TRIM51G: variants seen among roughly 807,000 people sequenced by gnomAD.
The protein encoded by TRIM51G is tripartite motif-containing protein 51G.
At chr11:48,979,689 A>T in the TRIM51G span, among the ~76,000 whole-genome samples, 1 of 151,940 alleles carries the variant, frequency 6.6e-6, no homozygotes, top group Non-Finnish European at 1.5e-5. Flanking sequence ...TCATGTATAT[A>T]TACATATTTC....
At chr11:48,981,277 T>C in the TRIM51G span, 122 of 1,604,120 alleles carry the variant, frequency 7.6e-5, no homozygotes, top group South Asian at 2.8e-4. Flanking sequence ...TTCAGAGGCA[T>C]CACTTACCCG....
chr11:48,977,652 A>G, the TRIM51G span, among the ~76,000 whole-genome samples: 1 of 152,124 alleles, frequency 6.6e-6, no homozygotes, highest in Non-Finnish European at 1.5e-5. Flanking sequence ...CATTCCAAAT[A>G]GTTTGTTTCA....
At chr11:48,975,713 A>C in the TRIM51G span, 1 of 1,548,414 alleles carries the variant, frequency 6.5e-7, no homozygotes, top group Admixed American at 1.7e-5. Flanking sequence ...TCCTTAACAC[A>C]TCCAAGAAGA....
chr11:48,976,134 A>G, the TRIM51G span: 2 of 353,594 alleles, frequency 5.7e-6, no homozygotes, highest in African/African-American at 4.3e-5. Context: ...TTTGATTACA[A>G]CATTTAAGAA....
At chr11:48,982,947 GTATATATACATATATATATATA>G in the TRIM51G span, among the ~76,000 whole-genome samples, 34 of 86,126 alleles carry the variant, frequency 3.9e-4, no homozygotes, top group Admixed American at 9.2e-4. Context: ...AGTATTTTTG[GTATATATACATATATATATATA>G]TATATATATA....
At chr11:48,975,756 C>T in the TRIM51G span, 1 of 1,566,062 alleles carries the variant, frequency 6.4e-7, no homozygotes, top group South Asian at 1.1e-5. Context: ...TCATGTCATT[C>T]TGTCTCTTCT....
the TRIM51G span, among the ~76,000 whole-genome samples, chr11:48,982,659 T>C: frequency 1.3e-5 from 2 of 151,908 alleles, no homozygotes; most frequent in Non-Finnish European, 2.9e-5. Flanking sequence ...GACACTAGCT[T>C]AATGACAGCC....
the TRIM51G span, among the ~76,000 whole-genome samples, chr11:48,983,464 T>C: frequency 6.6e-6 from 1 of 152,102 alleles, no homozygotes; most frequent in South Asian, 2.1e-4. Context: ...GCAGTACACA[T>C]ATATAGGTTT....
At chr11:48,980,976 G>T in the TRIM51G span, 1 of 534,780 alleles carries the variant, frequency 1.9e-6, no homozygotes, top group South Asian at 1.5e-5. Flanking sequence ...TCTCCATAAA[G>T]ACTGCATTTT....
the TRIM51G span, chr11:48,978,784 G>T: frequency 1.5e-6 from 1 of 667,384 alleles, no homozygotes; most frequent in Non-Finnish European, 2.8e-6. Context: ...AATCATGGAA[G>T]TAAAGGGGGA....
At chr11:48,982,956 CATATATAT>C in the TRIM51G span, among the ~76,000 whole-genome samples, 17 of 33,050 alleles carry the variant, frequency 5.1e-4, no homozygotes, top group African/African-American at 1.7e-3. Flanking sequence ...GGTATATATA[CATATATAT>C]ATATATATAT....
At chr11:48,981,320 G>T in the TRIM51G span, 68 of 1,606,436 alleles carry the variant, frequency 4.2e-5, no homozygotes, top group African/African-American at 7.5e-4. Context: ...GTGGGACAGT[G>T]TCTGTGATTC....
the TRIM51G span, chr11:48,979,037 A>C: frequency 9.9e-7 from 1 of 1,014,628 alleles, no homozygotes; most frequent in Non-Finnish European, 1.6e-6. Context: ...GCTCTTCTTC[A>C]TGGAAAAATG....
At chr11:48,977,372 A>G in the TRIM51G span, among the ~76,000 whole-genome samples, 1 of 152,194 alleles carries the variant, frequency 6.6e-6, no homozygotes, top group Non-Finnish European at 1.5e-5. Flanking sequence ...GGAAAAGTCT[A>G]TCTGACTGAG....
chr11:48,975,839 T>G, the TRIM51G span: 3 of 1,270,398 alleles, frequency 2.4e-6, no homozygotes, highest in Non-Finnish European at 3.4e-6. Flanking sequence ...CAATAAAATT[T>G]GCCAGATATG....
the TRIM51G span, among the ~76,000 whole-genome samples, chr11:48,980,116 C>CAAG: frequency 1.1e-4 from 16 of 152,060 alleles, no homozygotes; most frequent in African/African-American, 3.6e-4. Context: ...ATTTCAATTG[C>CAAG]AAGATTTGTG....
chr11:48,978,826 T>C, the TRIM51G span: 2 of 853,560 alleles, frequency 2.3e-6, no homozygotes, highest in Non-Finnish European at 4.0e-6. Context: ...AAAACACCCA[T>C]CCACTTGAAT....
the TRIM51G span, among the ~76,000 whole-genome samples, chr11:48,980,089 G>A: frequency 2.0e-5 from 3 of 151,688 alleles, no homozygotes; most frequent in Non-Finnish European, 4.4e-5. Context: ...TCTGCACGGT[G>A]GCCATTTGCT....
the TRIM51G span, chr11:48,975,869 G>C: frequency 1.1e-6 from 1 of 907,122 alleles, no homozygotes; most frequent in Middle Eastern, 2.2e-4. Flanking sequence ...GCCCCCCATT[G>C]AAGAAAACAT....
Sources: allele counts gnomAD v4.1 joint callset (sites outside exome capture counted in the v4.1 genomes callset), GRCh38; gene constraint gnomAD v4.1.1; transcripts MANE v1.5; gene names NCBI Gene and HGNC (gene_info 2026-07-23, HGNC 2026-07-21).